The following CHD1 variants were observed in gnomAD, a reference collection of about 807,000 sequenced individuals.
The protein encoded by CHD1 is ATP-dependent chromatin remodeler CHD1.
CHD1 carries 36 observed loss-of-function variants against 224.2 expected under a neutral mutation model. The ratio of observed to expected loss-of-function variants is 0.16; its 90% CI spans 0.12 to 0.21. The LOEUF (loss-of-function observed/expected upper bound fraction) is 0.21, where lower values mean the gene tolerates loss of function less well. Among genes scored for constraint, CHD1 ranks in the 10% least tolerant of loss-of-function variants. CHD1 has a pLI of 1.00. For synonymous variants in CHD1, 668 were observed against 658.3 expected, an observed-to-expected ratio of 1.01 and a Z score of -0.23; for missense variants, 1,378 against 1,994.8, an observed-to-expected ratio of 0.69 and a Z score of 5.89.
intron 31 of CHD1, among the ~76,000 whole-genome samples, chr5:98,866,539 GA>G (rs1748883316): frequency 6.6e-6 from 1 of 152,094 alleles, no homozygotes; most frequent in Non-Finnish European, 1.5e-5. Context: ...TATAATTTTA[GA>G]AGGTGAAATT....
intron 28 of CHD1, 148 bp from the exon 29 acceptor site, chr5:98,870,951 T>C (rs568869853): frequency 4.1e-5 from 18 of 443,544 alleles, no homozygotes; most frequent in Non-Finnish European, 5.8e-5. Context: ...CAATGCAAAA[T>C]GTATTTTTTA....
At chr5:98,906,579 G>C (rs1026319585) in intron 2 of CHD1, among the ~76,000 whole-genome samples, 1 of 152,112 alleles carries the variant, frequency 6.6e-6, no homozygotes, top group African/African-American at 2.4e-5. Context: ...ATCATCAAAA[G>C]AACTATTTAA....
At position 98,892,510 on chromosome 5, in the gene CHD1, C is replaced by T. The variant is rs1751088744; in HGVS notation, c.2180+15G>A. 9 of 1,595,004 alleles carry T rather than the reference C, an allele frequency of 5.6e-6. No individual in the cohort carries two copies. Among genetic ancestry groups the T allele is most frequent in the Non-Finnish European group, 6.9e-6 (8 of 1,166,892 alleles). Reference sequence around the variant, plus strand: ...AGAATTAGAAGTTCAGAACTGTGTTCTGTGTACAGCTTACTTGTAATATTG... The same window carrying T: ...AGAATTAGAAGTTCAGAACTGTGTTTTGTGTACAGCTTACTTGTAATATTG... On this transcript the variant is annotated intron_variant, in intron 15 of 35. Transcript: ENST00000614616.
At chr5:98,883,543 C>T (rs753354196) in intron 18 of CHD1, among the ~76,000 whole-genome samples, 2 of 151,788 alleles carry the variant, frequency 1.3e-5, no homozygotes, top group Non-Finnish European at 2.9e-5. Context: ...TGGAAAACAG[C>T]GTGGAAATTC....
chr5:98,885,680 A>T (rs1750603309), intron 17 of CHD1, 31 bp from the exon 18 acceptor site: 1 of 1,044,206 alleles, frequency 9.6e-7, no homozygotes. Context: ...ATACTGCATA[A>T]ACAGAATCAA....
In CHD1 at chr5:98,868,840, G is replaced by A. The variant is rs1749102467; in HGVS notation, c.4108-205C>T. 5.0e-6 allele frequency: 3 copies of A among 602,284 alleles called. No homozygotes were observed. The South Asian group carries it at 9.1e-5, about 18-fold the overall frequency. 37.3% of individuals were successfully genotyped at this position (602,284 alleles called of 1,614,324 possible). A position where few individuals can be genotyped will look rare whatever the true frequency, so the allele number is the denominator to read the frequency against. ...AGCTACTCTGTAATGTTACTCTGAA[G>A]GTAAAGCATTAAAGAGTGTTCAGAC... On this transcript the variant is annotated intron_variant, in intron 30 of 35. Coordinates refer to ENST00000614616, the MANE Select transcript of CHD1 (RefSeq NM_001270.4).
chr5:98,900,441 CT>C (rs766270530), intron 7 of CHD1, among the ~76,000 whole-genome samples: 3,335 of 140,886 alleles, frequency 0.024, 75 homozygotes, highest in African/African-American at 0.06. Flanking sequence ...AATACTTTAC[CT>C]TTTTTTTTTT....
At chr5:98,881,709 T>C (rs1229459392) in intron 20 of CHD1, among the ~76,000 whole-genome samples, 2 of 152,106 alleles carry the variant, frequency 1.3e-5, no homozygotes, top group African/African-American at 4.8e-5. Context: ...GGGGTTTCAC[T>C]ATGTTGCCTA....
intron 23 of CHD1, 71 bp from the exon 24 acceptor site, chr5:98,876,629 A>T: frequency 1.5e-6 from 2 of 1,301,980 alleles, no homozygotes; most frequent in South Asian, 2.6e-5. Flanking sequence ...AAACCATTAT[A>T]AAAGATGGTC....
intron 12 of CHD1, among the ~76,000 whole-genome samples, chr5:98,895,036 G>T (rs180679723): frequency 3.3e-4 from 50 of 152,146 alleles, no homozygotes; most frequent in African/African-American, 1.2e-3. Flanking sequence ...GGTCAGACTG[G>T]TCTCGAACTC....
Position 98,878,340 on chromosome 5 carries a change from G to C in CHD1, c.3237+1212C>G, listed in dbSNP as rs181260060. On this transcript the variant is annotated intron_variant, in intron 23 of 35. Transcript: ENST00000614616. Reference sequence around the variant, plus strand: ...GAGGGAACAGAATAAGATCTAATACGGTTGCAAGAAAAGAAAAAACAAAAA... The same window carrying C: ...GAGGGAACAGAATAAGATCTAATACCGTTGCAAGAAAAGAAAAAACAAAAA... Among the ~76,000 whole-genome samples the C allele has an allele frequency of 8.2e-4, 125 of 152,298 alleles. 1 individual carries two copies. The highest frequency in any genetic ancestry group is 3.0e-3 in the African/African-American group (123 of 41,564).
chr5:98,880,479 ATGAAT>A (rs755709200), intron 22 of CHD1, among the ~76,000 whole-genome samples: 1 of 152,200 alleles, frequency 6.6e-6, no homozygotes, highest in South Asian at 2.1e-4. Context: ...AACACATGAA[ATGAAT>A]TGATCTTTAA....
intron 2 of CHD1, among the ~76,000 whole-genome samples, chr5:98,906,503 A>G (rs957250101): frequency 2.0e-5 from 3 of 152,212 alleles, no homozygotes; most frequent in Non-Finnish European, 4.4e-5. Context: ...CATTTATTCA[A>G]TAAACTTTAT....
chr5:98,879,878 T>C (rs981802948), intron 22 of CHD1, 150 bp from the exon 23 acceptor site: 9 of 560,002 alleles, frequency 1.6e-5, no homozygotes, highest in South Asian at 2.5e-5. Flanking sequence ...CTAGATTCAT[T>C]TCTTCATTAG....
chr5:98,890,727 A>G (rs1014211705), intron 15 of CHD1, among the ~76,000 whole-genome samples: 4 of 152,206 alleles, frequency 2.6e-5, no homozygotes, highest in African/African-American at 9.6e-5. Flanking sequence ...ATTAATTTGA[A>G]TATTATCAAG....
At chr5:98,899,975 C>A (rs532709575) in intron 7 of CHD1, among the ~76,000 whole-genome samples, 52 of 152,202 alleles carry the variant, frequency 3.4e-4, no homozygotes, top group African/African-American at 1.1e-3. Flanking sequence ...TAATTATCCA[C>A]AATATATGAA....
chr5:98,917,971 C>T (rs1450739913), intron 2 of CHD1, among the ~76,000 whole-genome samples: 5 of 152,148 alleles, frequency 3.3e-5, no homozygotes, highest in African/African-American at 7.2e-5. Context: ...AACCCATTCA[C>T]GTGGGGAATA....
At chr5:98,879,782 A>C in intron 22 of CHD1, 54 bp from the exon 23 acceptor site, 1 of 1,304,228 alleles carries the variant, frequency 7.7e-7, no homozygotes, top group Non-Finnish European at 1.1e-6. Flanking sequence ...TGATCCCTAA[A>C]AGTTTTTTTT....
intron 11 of CHD1, 98 bp downstream of exon 11, chr5:98,897,095 A>G: frequency 8.6e-7 from 1 of 1,168,312 alleles, no homozygotes; most frequent in Non-Finnish European, 1.2e-6. Context: ...AAACTGCCAA[A>G]GAGTCTTATT....
Sources: gnomAD v4.1 joint callset for allele counts (sites outside exome capture counted in the v4.1 genomes callset) on GRCh38, gnomAD v4.1.1 for gene constraint, MANE v1.5 for transcripts, NCBI Gene and HGNC (gene_info 2026-07-23, HGNC 2026-07-21) for gene names.